The following PPARG variants were observed in gnomAD, a reference collection of about 807,000 sequenced individuals.
PPARG encodes peroxisome proliferator-activated receptor gamma.
In PPARG, 17 loss-of-function variants were observed where a neutral mutation model predicts 39.2. The observed-to-expected ratio is 0.43, with a 90% CI of 0.30 to 0.65. The LOEUF is 0.65. Ranked by LOEUF, PPARG falls within the 30% of genes least tolerant of loss-of-function variation. PPARG has a pLI of 0.13. For missense variants in PPARG, 406 were observed against 585.9 expected (o/e 0.69, Z 3.17); for synonymous variants, 223 against 215.7 (o/e 1.03, Z -0.30).
intron 2 of PPARG, among the ~76,000 whole-genome samples, chr3:12,369,856 A>AAT (rs2049146891): frequency 6.6e-6 from 1 of 152,176 alleles, no homozygotes. Context: ...ATTCATCCTC[A>AAT]AACTCTCTGA....
chr3:12,318,967 A>C (rs971136266), intron 2 of PPARG, among the ~76,000 whole-genome samples: 1 of 152,128 alleles, frequency 6.6e-6, no homozygotes, highest in Admixed American at 6.6e-5. Flanking sequence ...TTATACTCCC[A>C]CTAGACAGGA....
chr3:12,369,329 A>C (rs1202396497), intron 2 of PPARG, among the ~76,000 whole-genome samples: 1 of 152,078 alleles, frequency 6.6e-6, no homozygotes, highest in Non-Finnish European at 1.5e-5. Context: ...TCATCAGTAC[A>C]GAAAATACAA....
At chr3:12,322,493 G>A (rs974989014) in intron 2 of PPARG, among the ~76,000 whole-genome samples, 3 of 152,222 alleles carry the variant, frequency 2.0e-5, no homozygotes, top group Non-Finnish European at 2.9e-5. Flanking sequence ...AAAGCATGCA[G>A]TAAAAGTTCA....
rs201930734 is a variant in PPARG at position 12,396,478 on chromosome 3, C to T, written c.529+3726C>T. 1.1e-4 allele frequency among the ~76,000 whole-genome samples: 17 copies of T among 151,976 alleles called. No homozygotes were observed. The East Asian group carries it at 2.1e-3, about 19-fold the overall frequency. On this transcript the variant is annotated intron_variant, in intron 5 of 7. Transcript: ENST00000651735. ...TCATTAAGAATTTTGGCTTGTGGGC[C>T]AGGCATGGTGGCTCATGCCTATAAT...
At chr3:12,356,985 C>G (rs2048686694) in intron 2 of PPARG, among the ~76,000 whole-genome samples, 1 of 152,182 alleles carries the variant, frequency 6.6e-6, no homozygotes. Context: ...ATTGCTCCCT[C>G]TCTCCTCTAA....
At chr3:12,417,346 A>G (rs2051097857) in intron 7 of PPARG, among the ~76,000 whole-genome samples, 192 bp downstream of exon 7, 1 of 152,196 alleles carries the variant, frequency 6.6e-6, no homozygotes, top group African/African-American at 2.4e-5. Flanking sequence ...TGTGAAGGTT[A>G]TAAGTAACCC....
intron 1 of PPARG, among the ~76,000 whole-genome samples, chr3:12,302,907 G>A (rs1043799848): frequency 6.6e-6 from 1 of 152,182 alleles, no homozygotes; most frequent in East Asian, 1.9e-4. Context: ...GAGTGAAGTG[G>A]AAGGGCAGAT....
chr3:12,308,694 CATG>C (rs1280375169), intron 1 of PPARG, among the ~76,000 whole-genome samples: 1 of 152,100 alleles, frequency 6.6e-6, no homozygotes, highest in Non-Finnish European at 1.5e-5. Flanking sequence ...TTAAATCAGT[CATG>C]GTGGGAGTAT....
chr3:12,336,908 C>T (rs917308173), intron 2 of PPARG, among the ~76,000 whole-genome samples: 2 of 152,174 alleles, frequency 1.3e-5, no homozygotes, highest in African/African-American at 4.8e-5. Flanking sequence ...AGGGTACTCT[C>T]CTGAAGGCCT....
chr3:12,433,367 A>C (rs960364717), intron 7 of PPARG, among the ~76,000 whole-genome samples: 4 of 151,924 alleles, frequency 2.6e-5, no homozygotes, highest in Non-Finnish European at 2.9e-5. Context: ...GTGAAACCCT[A>C]TCTCTACTAA....
intron 2 of PPARG, among the ~76,000 whole-genome samples, chr3:12,314,232 G>T (rs1382135542): frequency 6.6e-6 from 1 of 152,058 alleles, no homozygotes; most frequent in South Asian, 2.1e-4. Context: ...AGCTGAGATC[G>T]CACCACTGTA....
intron 2 of PPARG, among the ~76,000 whole-genome samples, chr3:12,330,833 T>C (rs2047838334): frequency 6.6e-6 from 1 of 152,188 alleles, no homozygotes; most frequent in Non-Finnish European, 1.5e-5. Context: ...TTTTACACCT[T>C]GAAGAGACCA....
intron 6 of PPARG, chr3:12,406,530 C>CTT: frequency 1.2e-5 from 1 of 82,494 alleles, no homozygotes; most frequent in Non-Finnish European, 2.8e-5. Context: ...CCAGAGTTAC[C>CTT]TCTTTTTTTT....
intron 5 of PPARG, among the ~76,000 whole-genome samples, chr3:12,393,597 T>C (rs1471128982): frequency 6.6e-6 from 1 of 152,188 alleles, no homozygotes; most frequent in Non-Finnish European, 1.5e-5. Flanking sequence ...CTAGTATTAA[T>C]CAGTTATTTT....
At chr3:12,328,103 G>T (rs2047746175) in intron 2 of PPARG, 1 of 1,414,390 alleles carries the variant, frequency 7.1e-7, no homozygotes, top group Admixed American at 1.7e-5. Flanking sequence ...GAAGGTGTAG[G>T]AAGAATGTTT....
intron 4 of PPARG, among the ~76,000 whole-genome samples, chr3:12,388,697 T>C (rs2049966229): frequency 6.6e-6 from 1 of 152,190 alleles, no homozygotes; most frequent in African/African-American, 2.4e-5. Flanking sequence ...ACAGACTCCC[T>C]GCTCTTCCCC....
At chr3:12,339,263 A>G (rs948032364) in intron 2 of PPARG, among the ~76,000 whole-genome samples, 1 of 152,226 alleles carries the variant, frequency 6.6e-6, no homozygotes, top group East Asian at 1.9e-4. Flanking sequence ...AAGCAAATCT[A>G]TAGAGGCAGA....
chr3:12,314,105 C>G (rs1290458550), intron 2 of PPARG, among the ~76,000 whole-genome samples: 1 of 152,016 alleles, frequency 6.6e-6, no homozygotes, highest in Non-Finnish European at 1.5e-5. Flanking sequence ...GGTGAAACCC[C>G]ATCTCTACTA....
chr3:12,408,745 T>G (rs1322897162), intron 6 of PPARG, among the ~76,000 whole-genome samples: 1 of 151,902 alleles, frequency 6.6e-6, no homozygotes, highest in Non-Finnish European at 1.5e-5. Context: ...CATCAACTGC[T>G]TTCTCACCTT....
Sources: allele counts gnomAD v4.1 joint callset (sites outside exome capture counted in the v4.1 genomes callset), GRCh38; gene constraint gnomAD v4.1.1; transcripts MANE v1.5; gene names NCBI Gene and HGNC (gene_info 2026-07-23, HGNC 2026-07-21).